Variants in METTL15 observed in about 807,000 individuals in gnomAD.
METTL15 encodes the protein 12S rRNA N(4)-cytidine methyltransferase METTL15.
In METTL15, 34 loss-of-function variants were observed where a neutral mutation model predicts 38.3. The observed-to-expected ratio is 0.89, with a 90% CI of 0.68 to 1.18. The LOEUF is 1.18. Among genes scored for constraint, METTL15 ranks in the 50% most tolerant of loss-of-function variants. The probability of loss-of-function intolerance (pLI) is 0.00; values close to 1 mark genes in which losing one functional copy is unlikely to be tolerated. For synonymous variants in METTL15, 162 were observed against 170.9 expected, an observed-to-expected ratio of 0.95 and a Z score of 0.41; for missense variants, 438 against 498.4, an observed-to-expected ratio of 0.88 and a Z score of 1.15.
chr11:28,393,679 A>G (rs1363938226), intron 5 of METTL15, among the ~76,000 whole-genome samples: 1 of 152,088 alleles, frequency 6.6e-6, no homozygotes, highest in Non-Finnish European at 1.5e-5. Flanking sequence ...ATCAGAGACC[A>G]AGGCAGAAGC....
At chr11:28,269,755 G>GT (rs1590240562) in intron 4 of METTL15, among the ~76,000 whole-genome samples, 1 of 152,266 alleles carries the variant, frequency 6.6e-6, no homozygotes, top group East Asian at 1.9e-4. Flanking sequence ...AGCTTTGACT[G>GT]TTTTTCCCCT....
chr11:28,119,494 G>GA (rs371462586), intron 3 of METTL15, among the ~76,000 whole-genome samples: 10 of 152,120 alleles, frequency 6.6e-5, no homozygotes, highest in African/African-American at 2.2e-4. Flanking sequence ...TAACTGATCT[G>GA]AAAAAACAGA....
chr11:28,203,502 A>C (rs767185870), intron 3 of METTL15, among the ~76,000 whole-genome samples: 1 of 152,110 alleles, frequency 6.6e-6, no homozygotes, highest in Admixed American at 6.6e-5. Flanking sequence ...TTTTTGAAGA[A>C]ACAATTGTTT....
downstream of METTL15, among the ~76,000 whole-genome samples, chr11:28,336,412 A>G (rs1401842136): frequency 6.6e-6 from 1 of 152,166 alleles, no homozygotes; most frequent in Non-Finnish European, 1.5e-5. Context: ...GAAATGAGTA[A>G]TTTGTGAGAT....
chr11:28,290,853 T>C (rs1371469484), intron 5 of METTL15, among the ~76,000 whole-genome samples: 2 of 151,932 alleles, frequency 1.3e-5, no homozygotes, highest in East Asian at 1.9e-4. Context: ...TGTTTTGTCC[T>C]GTCTTATGCA....
intron 4 of METTL15, among the ~76,000 whole-genome samples, chr11:28,361,396 TTCTC>T (rs1850136995): frequency 6.6e-6 from 1 of 152,186 alleles, no homozygotes; most frequent in Non-Finnish European, 1.5e-5. Context: ...TGATTTGCAT[TTCTC>T]TGATGGCCTT....
intron 6 of METTL15, among the ~76,000 whole-genome samples, chr11:28,448,522 A>G (rs1851093330): frequency 6.6e-6 from 1 of 152,198 alleles, no homozygotes; most frequent in South Asian, 2.1e-4. Flanking sequence ...ATGCCCCATC[A>G]GACACCAAGC....
intron 4 of METTL15, among the ~76,000 whole-genome samples, chr11:28,220,376 A>T (rs1006490945): frequency 1.1e-4 from 16 of 152,088 alleles, no homozygotes; most frequent in Non-Finnish European, 1.8e-4. Context: ...AGAGACTTGG[A>T]TTGCAACTCC....
intron 4 of METTL15, among the ~76,000 whole-genome samples, chr11:28,280,729 C>G (rs1467023062): frequency 3.6e-5 from 5 of 139,750 alleles, no homozygotes; most frequent in Non-Finnish European, 6.1e-5. Context: ...TGAATAGTTT[C>G]TAATGAACTG....
intron 3 of METTL15, among the ~76,000 whole-genome samples, chr11:28,194,524 A>G (rs936956791): frequency 2.6e-5 from 4 of 151,878 alleles, no homozygotes; most frequent in Admixed American, 2.0e-4. Context: ...TGCGGTTGAA[A>G]CTATCAAGGT....
At chr11:28,408,742 A>C (rs963217217) in intron 5 of METTL15, among the ~76,000 whole-genome samples, 1 of 152,204 alleles carries the variant, frequency 6.6e-6, no homozygotes, top group African/African-American at 2.4e-5. Flanking sequence ...TCAATTTTAT[A>C]ATATAAATAT....
intron 4 of METTL15, among the ~76,000 whole-genome samples, chr11:28,222,248 A>AATGGCGGGCGCCCCTCCCCC (rs1853267631): frequency 6.6e-6 from 1 of 152,154 alleles, no homozygotes; most frequent in African/African-American, 2.4e-5. Flanking sequence ...AAGCCTCAGC[A>AATGGCGGGCGCCCCTCCCCC]ATGGCGGGCG....
chr11:28,303,128 G>A (rs1011225524), intron 6 of METTL15, among the ~76,000 whole-genome samples: 8 of 152,048 alleles, frequency 5.3e-5, no homozygotes, highest in African/African-American at 1.7e-4. Context: ...GAGCTTTTTC[G>A]TATTCTAGCG....
chr11:28,528,583 AT>A (rs1351218663), downstream of METTL15, among the ~76,000 whole-genome samples: 2 of 152,136 alleles, frequency 1.3e-5, no homozygotes, highest in Non-Finnish European at 2.9e-5. Flanking sequence ...CAACGGTCCA[AT>A]TTTTTCAAAG....
rs565016474 is a variant in METTL15, at chr11:28,248,486, C to T, written c.407+37288C>T. On this transcript the variant is annotated intron_variant, in intron 4 of 6. Coordinates refer to ENST00000407364, the MANE Select transcript of METTL15 (RefSeq NM_001113528.2). ...TGATTCAGGCCAGTGGATAACTCTG[C>T]CCTCTGTTTCTCCATTTTGCCTGAA... Among the ~76,000 whole-genome samples, 13 of 152,126 alleles carry T rather than the reference C, an allele frequency of 8.5e-5. No individual in the cohort carries two copies. In the East Asian group the frequency reaches 2.3e-3, roughly 27 times the overall value.
At chr11:28,397,875 G>A (rs1380709511) in intron 5 of METTL15, among the ~76,000 whole-genome samples, 2 of 152,138 alleles carry the variant, frequency 1.3e-5, no homozygotes, top group Non-Finnish European at 2.9e-5. Context: ...TTAAGAAAAT[G>A]TGGCACATAT....
chr11:28,205,191 G>C (rs976803696), intron 3 of METTL15, among the ~76,000 whole-genome samples: 1 of 151,766 alleles, frequency 6.6e-6, no homozygotes, highest in African/African-American at 2.4e-5. Context: ...GTGCCATGCT[G>C]GTGTGCTGCA....
intron 4 of METTL15, among the ~76,000 whole-genome samples, chr11:28,356,007 C>A (rs368940138): frequency 1.3e-5 from 2 of 152,124 alleles, no homozygotes; most frequent in African/African-American, 4.8e-5. Flanking sequence ...GGCTGTTGCA[C>A]GTGTTGTCTC....
intron 6 of METTL15, among the ~76,000 whole-genome samples, chr11:28,428,040 ACTTT>A (rs1850880998): frequency 1.3e-5 from 2 of 152,138 alleles, no homozygotes; most frequent in Non-Finnish European, 2.9e-5. Flanking sequence ...TTGGGCCTTG[ACTTT>A]CTTTCTATTA....
Sources: gnomAD v4.1 joint callset for allele counts (sites outside exome capture counted in the v4.1 genomes callset) on GRCh38, gnomAD v4.1.1 for gene constraint, MANE v1.5 for transcripts, NCBI Gene and HGNC (gene_info 2026-07-23, HGNC 2026-07-21) for gene names.